The following ERC1 variants were observed in gnomAD, a reference collection of about 807,000 sequenced individuals.
ERC1 encodes ELKS/RAB6-interacting/CAST family member 1, also known as RAB6 interacting protein 2.
Under a neutral mutation model 132.0 loss-of-function variants are expected in ERC1, and 56 were observed. That is an observed-to-expected ratio of 0.42 (90% confidence interval 0.34 to 0.53). The LOEUF is 0.53. Among genes scored for constraint, ERC1 ranks in the 20% least tolerant of loss-of-function variants. The pLI, the probability that ERC1 is intolerant of heterozygous loss-of-function variation, is 0.03. For missense variants in ERC1, 1,202 were observed against 1,349.9 expected, an observed-to-expected ratio of 0.89 and a Z score of 1.72; for synonymous variants, 478 against 476.1, an observed-to-expected ratio of 1.00 and a Z score of -0.05.
chr12:996,086 G>GT (rs759609780), intron 1 of ERC1, among the ~76,000 whole-genome samples: 50 of 142,692 alleles, frequency 3.5e-4, no homozygotes, highest in South Asian at 2.8e-3. Context: ...TTACTTCTCT[G>GT]TTTTTTTTGT....
At chr12:1,043,755 GATAGAAGAT>G (rs1259455361) in intron 2 of ERC1, among the ~76,000 whole-genome samples, 6 of 152,192 alleles carry the variant, frequency 3.9e-5, no homozygotes, top group Non-Finnish European at 8.8e-5. Context: ...GGACGAAGTT[GATAGAAGAT>G]TATACTTCGT....
chr12:1,458,486 A>ATATATGTG (rs1230256954), intron 18 of ERC1, among the ~76,000 whole-genome samples: 1 of 151,440 alleles, frequency 6.6e-6, no homozygotes, highest in Admixed American at 6.6e-5. Context: ...ATGTGTGTTT[A>ATATATGTG]TATATGTGTA....
At chr12:1,124,794 A>T (rs1947966395) in intron 7 of ERC1, among the ~76,000 whole-genome samples, 1 of 152,160 alleles carries the variant, frequency 6.6e-6, no homozygotes. Flanking sequence ...GACAACTCTA[A>T]ACAATTATAT....
At chr12:1,297,451 C>T (rs1242502339) in intron 15 of ERC1, among the ~76,000 whole-genome samples, 1 of 148,736 alleles carries the variant, frequency 6.7e-6, no homozygotes, top group Non-Finnish European at 1.5e-5. Context: ...CCTGTAATCT[C>T]AACGCTTTGA....
chr12:1,144,723 T>A (rs1950193753), intron 8 of ERC1, among the ~76,000 whole-genome samples: 1 of 150,788 alleles, frequency 6.6e-6, no homozygotes, highest in Non-Finnish European at 1.5e-5. Context: ...GGTTCCATAT[T>A]TTTTGGAATT....
chr12:1,418,829 C>A (rs1317574368), intron 17 of ERC1, among the ~76,000 whole-genome samples: 5 of 151,762 alleles, frequency 3.3e-5, no homozygotes, highest in Non-Finnish European at 7.4e-5. Flanking sequence ...CCTCTTGCCT[C>A]AGACACCTGA....
At chr12:1,337,968 T>G (rs1207122149) in intron 15 of ERC1, among the ~76,000 whole-genome samples, 1 of 152,194 alleles carries the variant, frequency 6.6e-6, no homozygotes, top group Non-Finnish European at 1.5e-5. Flanking sequence ...GCCTTTAACA[T>G]TTTTTTCTTT....
At chr12:1,319,937 C>T (rs1012990153) in intron 15 of ERC1, among the ~76,000 whole-genome samples, 1 of 151,840 alleles carries the variant, frequency 6.6e-6, no homozygotes, top group Non-Finnish European at 1.5e-5. Context: ...TTATTTTTAC[C>T]TTTTTTCTGA....
chr12:1,424,923 A>G (rs2092586706), intron 17 of ERC1, among the ~76,000 whole-genome samples: 1 of 151,098 alleles, frequency 6.6e-6, no homozygotes, highest in African/African-American at 2.4e-5. Flanking sequence ...ATCTGTCTCT[A>G]CTCCACAGGT....
intron 15 of ERC1, among the ~76,000 whole-genome samples, chr12:1,317,216 A>C (rs1489017051): frequency 6.6e-6 from 1 of 151,914 alleles, no homozygotes; most frequent in Non-Finnish European, 1.5e-5. Flanking sequence ...ATGGAATACT[A>C]TGCAGCCATA....
intron 13 of ERC1, among the ~76,000 whole-genome samples, chr12:1,239,855 G>A (rs2075679820): frequency 6.6e-6 from 1 of 152,156 alleles, no homozygotes; most frequent in African/African-American, 2.4e-5. Context: ...TACATGGAGG[G>A]CTATTAGAAA....
rs1465549910 is a variant in ERC1 at position 1,182,540 on chromosome 12, AGAT to A, written c.2016+482_2016+484del. ...CAAAGATGCCTCATGCTATGTAATC[AGAT>A]GATGATAATGCATGAGCTTTAGCAT... is the stretch of plus-strand genomic sequence containing the variant. On this transcript the variant is annotated intron_variant, in intron 10 of 18. Transcript: ENST00000360905. Among the ~76,000 whole-genome samples the A allele has an allele frequency of 9.2e-5, 14 of 152,336 alleles. No homozygotes were observed. In the East Asian group the frequency reaches 1.7e-3, roughly 19 times the overall value.
intron 15 of ERC1, among the ~76,000 whole-genome samples, chr12:1,308,326 G>GA (rs142982428): frequency 3.1e-4 from 45 of 146,066 alleles, no homozygotes; most frequent in East Asian, 8.0e-4. Flanking sequence ...CTGAGATAAA[G>GA]AAAAAAAAAA....
chr12:1,270,911 A>G (rs990697412), intron 14 of ERC1, among the ~76,000 whole-genome samples: 10 of 152,138 alleles, frequency 6.6e-5, no homozygotes, highest in Admixed American at 3.3e-4. Flanking sequence ...AGAAAAAGGA[A>G]AATGTAAATA....
chr12:1,338,274 C>G (rs1028730386), intron 15 of ERC1, among the ~76,000 whole-genome samples: 14 of 152,160 alleles, frequency 9.2e-5, no homozygotes, highest in African/African-American at 2.9e-4. Flanking sequence ...TTCCTTATTT[C>G]AAAACGTCAG....
intron 18 of ERC1, among the ~76,000 whole-genome samples, chr12:1,468,913 A>G (rs1226971874): frequency 3.3e-5 from 5 of 152,112 alleles, no homozygotes; most frequent in Admixed American, 6.5e-5. Flanking sequence ...TCCCTGTGCA[A>G]CCTTGGGAAG....
chr12:1,104,892 G>T, intron 4 of ERC1, 68 bp downstream of exon 4: 1 of 1,021,272 alleles, frequency 9.8e-7, no homozygotes, highest in Admixed American at 1.7e-5. Flanking sequence ...AAACTTCCAT[G>T]TGTGAGTGTT....
At chr12:1,182,385 T>A (rs1367225551) in intron 10 of ERC1, among the ~76,000 whole-genome samples, 1 of 152,206 alleles carries the variant, frequency 6.6e-6, no homozygotes, top group African/African-American at 2.4e-5. Context: ...AGTTGACAGA[T>A]AAAAGGAATA....
chr12:1,100,495 T>G (rs988074166), intron 3 of ERC1, among the ~76,000 whole-genome samples: 9 of 152,328 alleles, frequency 5.9e-5, no homozygotes, highest in African/African-American at 1.9e-4. Context: ...TTTGGGAGAC[T>G]GTTGGTGTAA....
Sources: allele counts gnomAD v4.1 joint callset (sites outside exome capture counted in the v4.1 genomes callset), GRCh38; gene constraint gnomAD v4.1.1; transcripts MANE v1.5; gene names NCBI Gene and HGNC (gene_info 2026-07-23, HGNC 2026-07-21).